Variants in CHL1 observed in about 807,000 individuals in gnomAD.
CHL1 encodes cell adhesion molecule L1 like, also known as neural cell adhesion molecule L1-like protein.
CHL1 carries 96 observed loss-of-function variants against 141.9 expected under a neutral mutation model. The observed-to-expected ratio is 0.68, with a 90% CI of 0.57 to 0.80. The LOEUF (loss-of-function observed/expected upper bound fraction) is 0.80, where lower values mean the gene tolerates loss of function less well. CHL1 is among the 30% of genes least tolerant of loss of function. The pLI, the probability that CHL1 is intolerant of heterozygous loss-of-function variation, is 0.00. For missense variants in CHL1, 1,820 were observed against 1,457.2 expected (o/e 1.25, Z -4.05); for synonymous variants, 613 against 502.2 (o/e 1.22, Z -2.95).
At chr3:396,807 A>G (rs1044136757) in intron 24 of CHL1, among the ~76,000 whole-genome samples, 25 of 152,084 alleles carry the variant, frequency 1.6e-4, no homozygotes, top group African/African-American at 4.8e-4. Context: ...AAGTACAGGG[A>G]AAAAAATTAC....
chr3:398,901 T>TA lies in CHL1; in HGVS notation c.3254-109dup, dbSNP rs982006212. 43 of 908,450 alleles carry TA rather than the reference T, an allele frequency of 4.7e-5. No individual in the cohort carries two copies. The African/African-American group carries it at 5.1e-4, about 11-fold the overall frequency. The allele number at this position is 908,450 out of a possible 1,614,324, so 56.3% of individuals were successfully genotyped here. A position where few individuals can be genotyped will look rare whatever the true frequency, so the allele number is the denominator to read the frequency against. On this transcript the variant is annotated intron_variant, in intron 25 of 27. Transcript: ENST00000256509. ...CAAATTGCATTCCTTCTGGGGTCAT[T>TA]AAAAAAACTGATACTATTTGGTATG...
chr3:231,677 A>G (rs1701878670), intron 1 of CHL1, among the ~76,000 whole-genome samples: 1 of 149,828 alleles, frequency 6.7e-6, no homozygotes, highest in Non-Finnish European at 1.5e-5. Context: ...TCCTGGTTCA[A>G]GCAATTCTCC....
At chr3:253,595 A>G (rs112334453) in intron 2 of CHL1, among the ~76,000 whole-genome samples, 1 of 152,174 alleles carries the variant, frequency 6.6e-6, no homozygotes, top group Non-Finnish European at 1.5e-5. Context: ...CCAATAATAC[A>G]ACATCTTAAA....
At chr3:303,845 G>A in intron 2 of CHL1, among the ~76,000 whole-genome samples, 1 of 152,166 alleles carries the variant, frequency 6.6e-6, no homozygotes, top group Non-Finnish European at 1.5e-5. Flanking sequence ...CATTCAGTAT[G>A]ATATTGGTTG....
rs140914692 is a variant in CHL1, at chr3:380,349, C to T, written c.1877-1830C>T. On this transcript the variant is annotated intron_variant, in intron 16 of 27. Coordinates refer to ENST00000256509, the MANE Select transcript of CHL1 (RefSeq NM_006614.4). The stretch of plus-strand genomic sequence containing the variant: ...GCAAATATTCAGGAGGAGCAATGGA[C>T]GGTGCTTTCCACTTGGAGAAGAAAG... Among the ~76,000 whole-genome samples the T allele has an allele frequency of 5.2e-3, 789 of 152,278 alleles. 5 individuals carry two copies. The highest frequency in any genetic ancestry group is 0.018 in the African/African-American group (750 of 41,558).
At position 331,221 on chromosome 3, in the gene CHL1, G is replaced by C. The variant is rs80120907; in HGVS notation, c.385+2867G>C. Among the ~76,000 whole-genome samples the C allele has an allele frequency of 7.2e-3, 1,078 of 149,224 alleles. 11 individuals carry two copies. Among genetic ancestry groups the C allele is most frequent in the African/African-American group, 0.026 (1,024 of 39,218 alleles). ...TCCTTTCTGGCTTTTTTGTTTGTTT[G>C]TTTGTTTGTTTGTTTGTTTTTGACA... is the stretch of plus-strand genomic sequence containing the variant. On this transcript the variant is annotated intron_variant, in intron 5 of 27. Coordinates refer to ENST00000256509, the MANE Select transcript of CHL1 (RefSeq NM_006614.4).
intron 1 of CHL1, among the ~76,000 whole-genome samples, chr3:243,044 G>A (rs1002355618): frequency 6.6e-6 from 1 of 152,126 alleles, no homozygotes; most frequent in East Asian, 1.9e-4. Context: ...CAGATCTAAT[G>A]TTAGAACAAT....
At position 394,842 on chromosome 3, in the gene CHL1, A is replaced by G. The variant is rs757236210; in HGVS notation, c.3064A>G (p.Thr1022Ala). 2 of 1,613,178 alleles carry G rather than the reference A, an allele frequency of 1.2e-6. No individual in the cohort carries two copies. Among genetic ancestry groups the G allele is most frequent in the Non-Finnish European group, 1.7e-6 (2 of 1,179,708 alleles). Reference protein sequence around the residue: ...CTSQGCGKPITEESSTLGEGS... With the variant: ...CTSQGCGKPIAEESSTLGEGS... ...TTCACAGGGCTGTGGAAAACCGATCACGGAGGAAAGCTCCACCTTAGGAGA... is the reference window on the plus strand; with the variant it reads ...TTCACAGGGCTGTGGAAAACCGATCGCGGAGGAAAGCTCCACCTTAGGAGA... The change falls in exon 24 of 28, where the codon ACG (threonine) becomes GCG (alanine). Residue 1022 changes from threonine to alanine, a missense_variant. By Grantham distance (58) the Thr-to-Ala change is moderately conservative (BLOSUM62 0). Transcript: ENST00000256509.
In CHL1 at chr3:407,357, A is replaced by G. The variant is rs1709592820; in HGVS notation, c.*1646A>G. 6.6e-6 allele frequency: 1 copy of G among 152,148 alleles called. No individual in the cohort carries two copies. Among genetic ancestry groups the G allele is most frequent in the Non-Finnish European group, 1.5e-5 (1 of 68,044 alleles). 9.4% of individuals were successfully genotyped at this position (152,148 alleles called of 1,614,324 possible). On this transcript the variant is annotated 3_prime_UTR_variant, in exon 28 of 28. Transcript: ENST00000256509. ...TAGTCAGCGCAGGAATGCACATGGA[A>G]TATCTACTTGTCCTTTTGAACCTCA...
intron 15 of CHL1, among the ~76,000 whole-genome samples, chr3:375,719 G>A (rs550042886): frequency 1.3e-5 from 2 of 152,068 alleles, no homozygotes; most frequent in South Asian, 4.2e-4. Flanking sequence ...CACTTTATGT[G>A]CTTTACCTCA....
At chr3:345,850 G>T (rs889118201) in intron 9 of CHL1, among the ~76,000 whole-genome samples, 1 of 152,180 alleles carries the variant, frequency 6.6e-6, no homozygotes, top group Non-Finnish European at 1.5e-5. Flanking sequence ...TCTTAAAATT[G>T]TTCCATTTAT....
At chr3:369,471 A>T (rs1444288563) in intron 15 of CHL1, among the ~76,000 whole-genome samples, 3 of 152,174 alleles carry the variant, frequency 2.0e-5, no homozygotes, top group African/African-American at 7.2e-5. Flanking sequence ...CATTGCTAAA[A>T]TTGCTTATCA....
chr3:207,895 AG>A (rs1381404836), intron 1 of CHL1, among the ~76,000 whole-genome samples: 1 of 152,204 alleles, frequency 6.6e-6, no homozygotes, highest in Non-Finnish European at 1.5e-5. Context: ...ATAACATTAA[AG>A]GACCAAGCAC....
At chr3:382,329 T>A (rs969214204) in intron 17 of CHL1, 49 bp downstream of exon 17, 1 of 1,542,912 alleles carries the variant, frequency 6.5e-7, no homozygotes, top group African/African-American at 1.4e-5. Context: ...TAGTCAAAAT[T>A]AATAGCGAAG....
chr3:407,744 T>G lies in CHL1; in HGVS notation c.*2033T>G, dbSNP rs995767462. The G allele has an allele frequency of 6.6e-6, 1 of 152,166 alleles. No homozygotes were observed. Among genetic ancestry groups the G allele is most frequent in the Non-Finnish European group, 1.5e-5 (1 of 68,018 alleles). The allele number at this position is 152,166 out of a possible 1,614,324, so 9.4% of individuals were successfully genotyped here. ...AAAACGTGGTTTTTAAAGAGAGTCATGCAGGTTAGAAATAATGTCAAAAAT... is the reference window on the plus strand; with the variant it reads ...AAAACGTGGTTTTTAAAGAGAGTCAGGCAGGTTAGAAATAATGTCAAAAAT... On this transcript the variant is annotated 3_prime_UTR_variant, in exon 28 of 28. Coordinates refer to ENST00000256509, the MANE Select transcript of CHL1 (RefSeq NM_006614.4).
chr3:394,982 T>C, intron 24 of CHL1, 110 bp downstream of exon 24: 2 of 908,716 alleles, frequency 2.2e-6, no homozygotes, highest in South Asian at 4.0e-5. Context: ...AAATTAGAAA[T>C]GATTGTGATC....
intron 2 of CHL1, among the ~76,000 whole-genome samples, chr3:246,351 T>A (rs867006980): frequency 6.6e-6 from 1 of 152,124 alleles, no homozygotes. Flanking sequence ...CTTTCCTGTA[T>A]TTTATTGAAT....
rs1177071918 is a variant in CHL1, at chr3:269,683, G to A, written c.-95+24991G>A. 3.3e-5 allele frequency among the ~76,000 whole-genome samples: 5 copies of A among 152,158 alleles called. No homozygotes were observed. The East Asian group carries it at 7.7e-4, about 23-fold the overall frequency. ...TGGGATTACAGGCATGCGCCACTAT[G>A]CCCAGCTAATTTTATCTTTTTAGTA... On this transcript the variant is annotated intron_variant, in intron 2 of 27. Coordinates refer to ENST00000256509, the MANE Select transcript of CHL1 (RefSeq NM_006614.4).
chr3:242,577 C>A lies in CHL1; in HGVS notation c.-174-2036C>A, dbSNP rs1209372011. Among the ~76,000 whole-genome samples, 6 of 150,370 alleles carry A rather than the reference C, an allele frequency of 4.0e-5. No individual in the cohort carries two copies. In the Admixed American group the frequency reaches 4.0e-4, roughly 10 times the overall value. On this transcript the variant is annotated intron_variant, in intron 1 of 27. Transcript: ENST00000256509. ...TGCCACTGCACTCCAGCCTGGGTAA[C>A]AGAGTGGGACTCCATCTCAAAATAA...
Sources: allele counts gnomAD v4.1 joint callset (sites outside exome capture counted in the v4.1 genomes callset), GRCh38; gene constraint gnomAD v4.1.1; transcripts MANE v1.5; gene names NCBI Gene and HGNC (gene_info 2026-07-23, HGNC 2026-07-21).